The following UVRAG variants were observed in gnomAD, a reference collection of about 807,000 sequenced individuals.
UVRAG encodes the protein UV radiation resistance-associated gene protein.
UVRAG carries 19 observed loss-of-function variants against 78.0 expected under a neutral mutation model. That is an observed-to-expected ratio of 0.24 (90% CI 0.17 to 0.36). The LOEUF (loss-of-function observed/expected upper bound fraction) is 0.36, where lower values mean the gene tolerates loss of function less well. Ranked by LOEUF, UVRAG falls within the 10% of genes least tolerant of loss-of-function variation. The pLI, the probability that UVRAG is intolerant of heterozygous loss-of-function variation, is 1.00. For synonymous variants in UVRAG, 323 were observed against 324.6 expected (o/e 1.00, Z 0.05); for missense variants, 740 against 853.8 (o/e 0.87, Z 1.66).
chr11:75,828,989 G>A (rs953052029), intron 1 of UVRAG, among the ~76,000 whole-genome samples: 1 of 151,620 alleles, frequency 6.6e-6, no homozygotes, highest in African/African-American at 2.4e-5. Context: ...CCAAAGTGTT[G>A]GGGTTACAGG....
chr11:76,021,823 G>A (rs751498606), intron 12 of UVRAG, among the ~76,000 whole-genome samples: 1 of 152,188 alleles, frequency 6.6e-6, no homozygotes, highest in Non-Finnish European at 1.5e-5. Context: ...GGAGGCCAAG[G>A]CAGGCAGATA....
At chr11:75,832,349 C>G (rs1347785271) in intron 1 of UVRAG, among the ~76,000 whole-genome samples, 1 of 152,196 alleles carries the variant, frequency 6.6e-6, no homozygotes, top group African/African-American at 2.4e-5. Flanking sequence ...CAGCTATCAG[C>G]TATAAACTGA....
chr11:76,122,711 G>A (rs1952307462), intron 14 of UVRAG, among the ~76,000 whole-genome samples: 1 of 152,040 alleles, frequency 6.6e-6, no homozygotes, highest in Admixed American at 6.6e-5. Flanking sequence ...TACATTAATG[G>A]TACGGAAGAT....
chr11:75,828,796 T>TACACAC (rs1945588840), intron 1 of UVRAG, among the ~76,000 whole-genome samples: 1 of 98,038 alleles, frequency 1.0e-5, no homozygotes, highest in East Asian at 2.7e-4. Flanking sequence ...TATATATATA[T>TACACAC]ATATATATAT....
intron 6 of UVRAG, among the ~76,000 whole-genome samples, chr11:75,959,271 C>T (rs1192258297): frequency 3.3e-5 from 5 of 152,204 alleles, no homozygotes; most frequent in Non-Finnish European, 2.9e-5. Flanking sequence ...CATCTTATTT[C>T]AACAGAAGGC....
intron 10 of UVRAG, among the ~76,000 whole-genome samples, chr11:76,008,519 A>G (rs778225476): frequency 1.3e-5 from 2 of 152,208 alleles, no homozygotes; most frequent in African/African-American, 2.4e-5. Flanking sequence ...ATCTTATTAA[A>G]CCATTTATAT....
chr11:75,987,998 A>G (rs1949534271), intron 8 of UVRAG, among the ~76,000 whole-genome samples: 1 of 152,210 alleles, frequency 6.6e-6, no homozygotes, highest in South Asian at 2.1e-4. Context: ...TTGGCCTCCC[A>G]AAGTGCTGCG....
At chr11:76,069,720 C>T (rs1357251769) in intron 13 of UVRAG, among the ~76,000 whole-genome samples, 1 of 152,126 alleles carries the variant, frequency 6.6e-6, no homozygotes, top group African/African-American at 2.4e-5. Context: ...GCTATTAAAT[C>T]GATTTGAGGA....
intron 13 of UVRAG, among the ~76,000 whole-genome samples, chr11:76,075,973 C>T (rs532686200): frequency 7.9e-5 from 12 of 152,190 alleles, no homozygotes; most frequent in African/African-American, 2.6e-4. Context: ...GTATATACGA[C>T]ATGTTATTTA....
chr11:76,037,813 A>C (rs1950565641), intron 12 of UVRAG, among the ~76,000 whole-genome samples: 1 of 152,178 alleles, frequency 6.6e-6, no homozygotes, highest in Non-Finnish European at 1.5e-5. Flanking sequence ...AGAATTTGAA[A>C]CAGCACTCAA....
At chr11:75,923,027 C>A (rs558189113) in intron 6 of UVRAG, among the ~76,000 whole-genome samples, 1 of 135,440 alleles carries the variant, frequency 7.4e-6, no homozygotes, top group African/African-American at 2.8e-5. Context: ...TATATATGTT[C>A]GTTTTTCTTT....
At chr11:76,129,031 C>T (rs749348953) in intron 14 of UVRAG, among the ~76,000 whole-genome samples, 5 of 152,176 alleles carry the variant, frequency 3.3e-5, no homozygotes, top group Admixed American at 1.3e-4. Context: ...TTCCAAAGCA[C>T]TTTGAACATA....
intron 13 of UVRAG, among the ~76,000 whole-genome samples, chr11:76,085,303 T>C (rs895233351): frequency 6.6e-6 from 1 of 152,218 alleles, no homozygotes; most frequent in Admixed American, 6.5e-5. Context: ...TTTGCTGTTA[T>C]TGCTTTCTCA....
chr11:76,054,973 CTCTAATTTCAAATG>C (rs1441742393), intron 12 of UVRAG, among the ~76,000 whole-genome samples: 7 of 152,190 alleles, frequency 4.6e-5, no homozygotes, highest in African/African-American at 1.4e-4. Flanking sequence ...AGTTCTTTTA[CTCTAATTTCAAATG>C]CTCTTACGTC....
intron 12 of UVRAG, among the ~76,000 whole-genome samples, chr11:76,045,315 A>C (rs1950729524): frequency 6.6e-6 from 1 of 152,244 alleles, no homozygotes; most frequent in African/African-American, 2.4e-5. Flanking sequence ...GTTCTCTGCT[A>C]ATAACCCCAG....
In UVRAG at chr11:75,992,367, T is replaced by C. The variant is rs140698695; in HGVS notation, c.826+8854T>C. ...GGTCACAATTGTTGATTTTTAACAC[T>C]GAGTTTGTACTTGAAGTGCCATTTT... On this transcript the variant is annotated intron_variant, in intron 8 of 14. Coordinates refer to ENST00000356136, the MANE Select transcript of UVRAG (RefSeq NM_003369.4). Among the ~76,000 whole-genome samples, 866 of 152,338 alleles carry C rather than the reference T, an allele frequency of 5.7e-3. 9 individuals carry two copies. The highest frequency in any genetic ancestry group is 0.019 in the African/African-American group (807 of 41,576).
intron 3 of UVRAG, among the ~76,000 whole-genome samples, chr11:75,871,094 G>A (rs946394625): frequency 5.3e-5 from 8 of 151,970 alleles, no homozygotes; most frequent in African/African-American, 1.9e-4. Context: ...GGCTGGTCAC[G>A]AACCCCAGAC....
At chr11:75,892,934 C>T (rs1590984469) in intron 5 of UVRAG, among the ~76,000 whole-genome samples, 1 of 152,098 alleles carries the variant, frequency 6.6e-6, no homozygotes, top group African/African-American at 2.4e-5. Context: ...AATCTCAGCA[C>T]TTTGGGAGGC....
intron 4 of UVRAG, among the ~76,000 whole-genome samples, chr11:75,882,448 G>A (rs1946971123): frequency 2.0e-5 from 3 of 151,834 alleles, no homozygotes; most frequent in Non-Finnish European, 4.4e-5. Context: ...GGGAGGTGGA[G>A]GTTGTAATGA....
Sources: gnomAD v4.1 joint callset for allele counts (sites outside exome capture counted in the v4.1 genomes callset) on GRCh38, gnomAD v4.1.1 for gene constraint, MANE v1.5 for transcripts, NCBI Gene and HGNC (gene_info 2026-07-23, HGNC 2026-07-21) for gene names.